The following FAM120B variants were observed in gnomAD, a reference collection of about 807,000 sequenced individuals.
The protein encoded by FAM120B is constitutive coactivator of peroxisome proliferator-activated receptor gamma.
A neutral mutation model predicts 96.3 loss-of-function variants in FAM120B; 83 were observed. That is an observed-to-expected ratio of 0.86 (90% CI 0.72 to 1.03). FAM120B has a LOEUF of 1.03. FAM120B is among the 50% of genes least tolerant of loss of function. The pLI is 0.00. For missense variants in FAM120B, 1,027 were observed against 1,121.2 expected (o/e 0.92, Z 1.20); for synonymous variants, 407 against 402.7 (o/e 1.01, Z -0.13).
At chr6:170,338,668 G>C (rs1353563852) in intron 4 of FAM120B, among the ~76,000 whole-genome samples, 1 of 152,064 alleles carries the variant, frequency 6.6e-6, no homozygotes, top group African/African-American at 2.4e-5. Context: ...TCTCTTTGTA[G>C]GTCTGTAAGA....
At chr6:170,330,150 G>A (rs780225225) in intron 3 of FAM120B, among the ~76,000 whole-genome samples, 1 of 152,168 alleles carries the variant, frequency 6.6e-6, no homozygotes, top group African/African-American at 2.4e-5. Flanking sequence ...AGGTAGGGAG[G>A]AAAGACATCG....
chr6:170,399,593 G>T (rs570961009), intron 9 of FAM120B, among the ~76,000 whole-genome samples: 1 of 150,226 alleles, frequency 6.7e-6, no homozygotes, highest in Non-Finnish European at 1.5e-5. Context: ...ACCCTTAGGA[G>T]TGAGTGAGGA....
upstream of FAM120B, chr6:170,290,972 C>G: frequency 1.4e-6 from 1 of 701,426 alleles, no homozygotes. The surrounding 1 kb of genome is among the most constrained non-coding windows in gnomAD (Gnocchi z 4.7). Flanking sequence ...GCCGGCCGCC[C>G]GCATGGCTAA....
chr6:170,327,086 G>A lies in FAM120B; in HGVS notation c.1916-3363G>A, dbSNP rs182861186. On this transcript the variant is annotated intron_variant, in intron 3 of 10. Transcript: ENST00000476287. The stretch of plus-strand genomic sequence containing the variant: ...TTTTGAGATGGAGTCTTGCTCTGTC[G>A]CCCAGGCTGGAGGGCAGTAGCACAA... Among the ~76,000 whole-genome samples the A allele has an allele frequency of 1.8e-4, 27 of 151,212 alleles. No individual in the cohort carries two copies. In the East Asian group the frequency reaches 3.7e-3, roughly 21 times the overall value.
At chr6:170,326,990 C>G (rs1419718865) in intron 3 of FAM120B, among the ~76,000 whole-genome samples, 1 of 152,054 alleles carries the variant, frequency 6.6e-6, no homozygotes, top group Non-Finnish European at 1.5e-5. Context: ...AGATATCCCC[C>G]ACGTCAGCCT....
chr6:170,311,571 C>T (rs1784596325), intron 1 of FAM120B, among the ~76,000 whole-genome samples: 1 of 152,234 alleles, frequency 6.6e-6, no homozygotes, highest in South Asian at 2.1e-4. Context: ...CTTGAGTACC[C>T]TCTCCTCAGG....
chr6:170,349,215 C>T (rs1466903075), intron 5 of FAM120B, among the ~76,000 whole-genome samples: 1 of 152,176 alleles, frequency 6.6e-6, no homozygotes, highest in Non-Finnish European at 1.5e-5. Flanking sequence ...GTGTCTACTT[C>T]TTCAGGCTGT....
intron 9 of FAM120B, among the ~76,000 whole-genome samples, chr6:170,401,729 C>CA (rs1778593418): frequency 6.6e-6 from 1 of 152,204 alleles, no homozygotes; most frequent in African/African-American, 2.4e-5. Context: ...ACAGGACACT[C>CA]AAAGGAAATG....
At chr6:170,350,258 C>G (rs558086418) in intron 5 of FAM120B, among the ~76,000 whole-genome samples, 1 of 152,316 alleles carries the variant, frequency 6.6e-6, no homozygotes, top group South Asian at 2.1e-4. Context: ...ATTTAAGACC[C>G]TCTGGCTTGG....
intron 6 of FAM120B, among the ~76,000 whole-genome samples, chr6:170,375,086 G>A (rs1006169183): frequency 6.6e-6 from 1 of 152,236 alleles, no homozygotes; most frequent in African/African-American, 2.4e-5. Flanking sequence ...GAGAGCTGGG[G>A]CTTCCAGTTC....
At chr6:170,291,399 G>C (rs971333848), upstream of FAM120B, among the ~76,000 whole-genome samples, 2 of 151,904 alleles carry the variant, frequency 1.3e-5, no homozygotes, top group Non-Finnish European at 2.9e-5. Flanking sequence ...GGGTCTCCTT[G>C]CGCCGACAGC....
At chr6:170,303,296 G>A (rs990721936), upstream of FAM120B, among the ~76,000 whole-genome samples, 4 of 152,092 alleles carry the variant, frequency 2.6e-5, no homozygotes, top group African/African-American at 9.7e-5. Flanking sequence ...CTGGAGTGTG[G>A]TGGCACAATC....
At chr6:170,358,127 C>T (rs1011545097) in intron 5 of FAM120B, 99 bp from the exon 6 acceptor site, 10 of 1,004,716 alleles carry the variant, frequency 1.0e-5, no homozygotes, top group African/African-American at 4.8e-5. Flanking sequence ...TGCATGTTTG[C>T]GCCTATACAC....
upstream of FAM120B, chr6:170,290,920 A>C (rs1459996193): frequency 2.9e-6 from 2 of 694,302 alleles, no homozygotes; most frequent in Non-Finnish European, 5.3e-6. The surrounding 1 kb of genome is among the most constrained non-coding windows in gnomAD (Gnocchi z 4.7). Flanking sequence ...GGGTGCGCGC[A>C]GAGGATCTGG....
intron 1 of FAM120B, among the ~76,000 whole-genome samples, chr6:170,309,847 T>C (rs11963992): frequency 0.12 from 18,145 of 152,270 alleles, 1,342 homozygotes; most frequent in African/African-American, 0.2. Flanking sequence ...AAGTATATTA[T>C]TTCTTGTGTT....
At chr6:170,385,176 CAAT>C (rs544291415) in intron 6 of FAM120B, among the ~76,000 whole-genome samples, 1 of 152,180 alleles carries the variant, frequency 6.6e-6, no homozygotes, top group Non-Finnish European at 1.5e-5. Flanking sequence ...TCAGTAATAA[CAAT>C]AAGTAAAAAT....
rs1783976855 is a variant in FAM120B, at chr6:170,295,491, C to A, written c.48+38C>A. On this transcript the variant is annotated intron_variant, in intron 1 of 10. Transcript: ENST00000537664. This position sits in a 1 kb window ranked among gnomAD's most constrained non-coding sequence, Gnocchi z 7.8. ...CGCGTGCACACAAGGCGCGCGGCCC[C>A]CAGGCAGCCGCGCTTCCACAGCGGG... 1 of 694,084 alleles carries A rather than the reference C, an allele frequency of 1.4e-6. No individual in the cohort carries two copies. The highest frequency in any genetic ancestry group is 2.0e-5 in the Admixed American group (1 of 49,316). The allele number at this position is 694,084 out of a possible 1,614,324, so 43.0% of individuals were successfully genotyped here.
At chr6:170,335,292 G>GT in intron 4 of FAM120B, among the ~76,000 whole-genome samples, 1 of 152,074 alleles carries the variant, frequency 6.6e-6, no homozygotes, top group Non-Finnish European at 1.5e-5. Flanking sequence ...CCACTTATGA[G>GT]TGAGAACATG....
rs374916971 is a variant in FAM120B at position 170,392,293 on chromosome 6, C to T, written c.2599+1172C>T. 8.5e-5 allele frequency among the ~76,000 whole-genome samples: 13 copies of T among 152,178 alleles called. No homozygotes were observed. In the East Asian group the frequency reaches 2.1e-3, roughly 25 times the overall value. ...CTCGATCTCGGCTCACTGCAACCTC[C>T]GCCTCCCGAGTTCAAGCGATTCTCT... On this transcript the variant is annotated intron_variant, in intron 8 of 10. Coordinates refer to ENST00000476287, the MANE Select transcript of FAM120B (RefSeq NM_032448.3).
Sources: allele counts gnomAD v4.1 joint callset (sites outside exome capture counted in the v4.1 genomes callset), GRCh38; gene constraint gnomAD v4.1.1; non-coding constraint Gnocchi (gnomAD v3.1); transcripts MANE v1.5; gene names NCBI Gene and HGNC (gene_info 2026-07-23, HGNC 2026-07-21).